Variants in MAP4 observed in about 807,000 individuals in gnomAD.
The protein encoded by MAP4 is microtubule associated protein 4.
A neutral mutation model predicts 170.2 loss-of-function variants in MAP4; 76 were observed. That is an observed-to-expected ratio of 0.45 (90% CI 0.37 to 0.54). The LOEUF (loss-of-function observed/expected upper bound fraction) is 0.54. MAP4 is among the 20% of genes least tolerant of loss of function. The probability of loss-of-function intolerance (pLI) is 0.00; values close to 1 mark genes in which losing one functional copy is unlikely to be tolerated. For synonymous variants in MAP4, 909 were observed against 994.5 expected (o/e 0.91, Z 1.62); for missense variants, 2,506 against 2,748.0 (o/e 0.91, Z 1.97).
At chr3:47,856,716 C>T (rs2057185026) in intron 18 of MAP4, among the ~76,000 whole-genome samples, 1 of 152,204 alleles carries the variant, frequency 6.6e-6, no homozygotes, top group African/African-American at 2.4e-5. Context: ...CATGAGACAC[C>T]GCGCCCGCCC....
At chr3:47,957,116 T>C (rs932833332) in intron 3 of MAP4, among the ~76,000 whole-genome samples, 2 of 152,198 alleles carry the variant, frequency 1.3e-5, no homozygotes, top group Admixed American at 1.3e-4. Flanking sequence ...CCACCACCCA[T>C]GAACTTATAT....
intron 10 of MAP4, among the ~76,000 whole-genome samples, chr3:47,901,083 T>C (rs2100029723): frequency 6.6e-6 from 1 of 152,158 alleles, no homozygotes; most frequent in Non-Finnish European, 1.5e-5. Flanking sequence ...TAGAATTCTT[T>C]ACCTTAATTT....
chr3:48,022,263 G>A (rs180712028), intron 1 of MAP4, among the ~76,000 whole-genome samples: 3 of 151,940 alleles, frequency 2.0e-5, no homozygotes, highest in Non-Finnish European at 4.4e-5. Context: ...TGAAGAAAAC[G>A]AACAGACAAT....
chr3:48,083,774 TG>T (rs938705358), intron 1 of MAP4, among the ~76,000 whole-genome samples: 11 of 151,720 alleles, frequency 7.3e-5, no homozygotes, highest in Admixed American at 6.6e-4. Flanking sequence ...TTGCCCAGGC[TG>T]GAGTGCAGTG....
intron 13 of MAP4, among the ~76,000 whole-genome samples, chr3:47,871,593 T>C (rs111793212): frequency 6.6e-6 from 1 of 152,212 alleles, no homozygotes; most frequent in African/African-American, 2.4e-5. Flanking sequence ...CTTATCATCA[T>C]GTAAGCCCAT....
intron 6 of MAP4, among the ~76,000 whole-genome samples, chr3:47,918,485 AAT>A (rs111381760): frequency 6.6e-6 from 1 of 152,146 alleles, no homozygotes; most frequent in South Asian, 2.1e-4. Context: ...TGATGAAAAA[AAT>A]ATATATATGT....
intron 19 of MAP4, among the ~76,000 whole-genome samples, chr3:47,853,567 G>A (rs952864964): frequency 1.3e-5 from 2 of 151,900 alleles, no homozygotes; most frequent in South Asian, 2.1e-4. Flanking sequence ...GGAGCAGCTG[G>A]ACCAGTGACA....
chr3:47,850,737 G>GTT lies in MAP4; in HGVS notation c.*2195_*2196dup, dbSNP rs947188816. Reference sequence around the variant, plus strand: ...GCTTTATTTATTTACTCTTAAAACTGTTACAACAGAATCATGGACTGACAC... The same window carrying GTT: ...GCTTTATTTATTTACTCTTAAAACTGTTTTACAACAGAATCATGGACTGACAC... On this transcript the variant is annotated 3_prime_UTR_variant, in exon 21 of 21. Coordinates refer to ENST00000683076, the MANE Select transcript of MAP4 (RefSeq NM_001385682.1). The GTT allele has an allele frequency of 2.6e-5, 4 of 153,594 alleles. No homozygotes were observed. The highest frequency in any genetic ancestry group is 9.6e-5 in the African/African-American group (4 of 41,552). The allele number at this position is 153,594 out of a possible 1,614,324, so 9.5% of individuals were successfully genotyped here.
At chr3:47,932,755 T>C (rs1253646803) in intron 3 of MAP4, among the ~76,000 whole-genome samples, 1 of 152,216 alleles carries the variant, frequency 6.6e-6, no homozygotes, top group Non-Finnish European at 1.5e-5. Flanking sequence ...TCTCATTATG[T>C]TGCCCAGACT....
At chr3:47,938,431 T>C (rs771080912) in intron 3 of MAP4, among the ~76,000 whole-genome samples, 1 of 152,190 alleles carries the variant, frequency 6.6e-6, no homozygotes, top group Non-Finnish European at 1.5e-5. Context: ...CCAGGTATAG[T>C]GGCGCAATCA....
At chr3:48,045,937 A>C (rs2100124323) in intron 1 of MAP4, among the ~76,000 whole-genome samples, 1 of 151,746 alleles carries the variant, frequency 6.6e-6, no homozygotes, top group South Asian at 2.1e-4. Flanking sequence ...TCAATATCAC[A>C]GAATACCTTC....
Position 47,927,903 on chromosome 3 carries a change from G to A in MAP4, c.415+325C>T, listed in dbSNP as rs1238900355. Among the ~76,000 whole-genome samples the A allele has an allele frequency of 2.0e-5, 3 of 152,216 alleles. No homozygotes were observed. The East Asian group carries it at 5.8e-4, about 29-fold the overall frequency. ...TATAAAGGCTCTAGCACTGTGCCTG[G>A]CACAGAACAGCACTGGTTTAACATT... is the stretch of plus-strand genomic sequence containing the variant. On this transcript the variant is annotated intron_variant, in intron 4 of 20. Transcript: ENST00000683076.
intron 3 of MAP4, among the ~76,000 whole-genome samples, chr3:47,950,473 T>C (rs2100062980): frequency 6.6e-6 from 1 of 152,104 alleles, no homozygotes; most frequent in Non-Finnish European, 1.5e-5. Flanking sequence ...AATAATATAC[T>C]GGCAAAAACC....
intron 3 of MAP4, among the ~76,000 whole-genome samples, chr3:47,939,833 GT>G (rs940232717): frequency 7.9e-5 from 12 of 150,954 alleles, no homozygotes; most frequent in African/African-American, 2.9e-4. Context: ...TGTTGTTGTT[GT>G]TTTTTTCATT....
At chr3:47,995,465 G>T (rs2100094961) in intron 2 of MAP4, among the ~76,000 whole-genome samples, 1 of 151,926 alleles carries the variant, frequency 6.6e-6, no homozygotes. Context: ...TGGCCAGGCT[G>T]GTCTCAAACT....
intron 1 of MAP4, among the ~76,000 whole-genome samples, chr3:48,052,558 T>C (rs2100128506): frequency 6.6e-6 from 1 of 152,214 alleles, no homozygotes; most frequent in Non-Finnish European, 1.5e-5. Context: ...ATTGTGGTAA[T>C]GGATGCACAA....
chr3:48,006,420 T>C (rs987597726), intron 1 of MAP4, among the ~76,000 whole-genome samples: 3 of 152,038 alleles, frequency 2.0e-5, no homozygotes, highest in African/African-American at 7.3e-5. Flanking sequence ...CTCATGGAAG[T>C]CAGGTAATTA....
rs1182508564 is a variant in MAP4, at chr3:47,910,659, G to A, written c.3762C>T (p.Pro1254=). Residue 1254 remains proline, a synonymous_variant, in exon 9 of 21, where the codon CCC becomes CCT. Transcript: ENST00000683076. ...TAAATCCTATTTCCTTGCTTTTATG[G>A]GGAATACTACCAGTATCTCCATCCT... The part of the protein sequence containing the change: ...EGKDGDTGSI[P]HKSKEIGFTF... 2 of 1,535,932 alleles carry A rather than the reference G, an allele frequency of 1.3e-6. No homozygotes were observed. Among genetic ancestry groups the A allele is most frequent in the Non-Finnish European group, 8.7e-7 (1 of 1,146,890 alleles).
intron 1 of MAP4, among the ~76,000 whole-genome samples, chr3:48,068,331 G>A (rs2100139307): frequency 6.7e-6 from 1 of 150,300 alleles, no homozygotes; most frequent in South Asian, 2.1e-4. Flanking sequence ...AAAAACTAAT[G>A]AAAATTAACT....
Sources: gnomAD v4.1 joint callset for allele counts (sites outside exome capture counted in the v4.1 genomes callset) on GRCh38, gnomAD v4.1.1 for gene constraint, MANE v1.5 for transcripts, NCBI Gene and HGNC (gene_info 2026-07-23, HGNC 2026-07-21) for gene names.